RANBP17: variants seen among roughly 807,000 people sequenced by gnomAD.
RANBP17 encodes the protein RAN binding protein 17.
Under a neutral mutation model 141.2 loss-of-function variants are expected in RANBP17, and 158 were observed. The ratio of observed to expected loss-of-function variants is 1.12; its 90% CI spans 0.98 to 1.28. RANBP17 has a LOEUF of 1.28. Among genes scored for constraint, RANBP17 ranks in the 50% most tolerant of loss-of-function variants. The pLI, the probability that RANBP17 is intolerant of heterozygous loss-of-function variation, is 0.00. For synonymous variants in RANBP17, 430 were observed against 450.0 expected (o/e 0.96, Z 0.56); for missense variants, 1,438 against 1,290.7 (o/e 1.11, Z -1.75).
chr5:171,056,161 A>G (rs1047760230), intron 14 of RANBP17, among the ~76,000 whole-genome samples: 1 of 152,202 alleles, frequency 6.6e-6, no homozygotes, highest in Admixed American at 6.5e-5. Flanking sequence ...TCAGTTTTCT[A>G]TTAGTTCAGT....
At chr5:171,008,613 A>C (rs979911774) in intron 14 of RANBP17, among the ~76,000 whole-genome samples, 2 of 152,218 alleles carry the variant, frequency 1.3e-5, no homozygotes, top group African/African-American at 4.8e-5. Context: ...TGAATCTCAC[A>C]AAGTACATTC....
intron 20 of RANBP17, among the ~76,000 whole-genome samples, chr5:171,211,865 C>G (rs1299043594): frequency 6.6e-6 from 1 of 152,112 alleles, no homozygotes; most frequent in Non-Finnish European, 1.5e-5. Context: ...GAACTGTTTT[C>G]TAAAGCTCCC....
chr5:171,243,714 A>AGTGGGT (rs1765029128), intron 24 of RANBP17, among the ~76,000 whole-genome samples: 1 of 152,190 alleles, frequency 6.6e-6, no homozygotes, highest in African/African-American at 2.4e-5. Context: ...TAGCCATGAT[A>AGTGGGT]GTGGGTGTGA....
chr5:171,074,426 T>G (rs1229881310), intron 14 of RANBP17, among the ~76,000 whole-genome samples: 1 of 152,158 alleles, frequency 6.6e-6, no homozygotes, highest in African/African-American at 2.4e-5. Context: ...AAAAAGATAT[T>G]AGTGGGAAAA....
intron 14 of RANBP17, among the ~76,000 whole-genome samples, chr5:171,121,537 A>G (rs2127773762): frequency 6.6e-6 from 1 of 152,324 alleles, no homozygotes; most frequent in Non-Finnish European, 1.5e-5. Context: ...GCCCAGTAGC[A>G]TGTTGGCTGT....
chr5:170,919,595 C>G lies in RANBP17; in HGVS notation c.1256C>G (p.Ser419Cys). 6.3e-7 allele frequency: 1 copy of G among 1,597,194 alleles called. No individual in the cohort carries two copies. The highest frequency in any genetic ancestry group is 8.5e-7 in the Non-Finnish European group (1 of 1,175,000). The part of the protein sequence containing the change: ...TKAFITSRLD[S>C]VAIVVRDHLD... ...GCCTTTATCACTTCTCGGTTGGACT[C>G]TGTTGCCATAGTTGTGAGGTATTCA... is the stretch of plus-strand genomic sequence containing the variant. Residue 419 changes from serine (S) to cysteine (C), a missense_variant, in exon 11 of 28, where the codon TCT (serine) becomes TGT (cysteine). Transcript: ENST00000523189.
chr5:170,887,040 G>A, intron 3 of RANBP17, among the ~76,000 whole-genome samples: 1 of 152,074 alleles, frequency 6.6e-6, no homozygotes, highest in East Asian at 1.9e-4. Context: ...CCATGCATAA[G>A]TGGTTCTCTA....
chr5:171,092,082 G>C (rs1786333750), intron 14 of RANBP17, among the ~76,000 whole-genome samples: 1 of 152,174 alleles, frequency 6.6e-6, no homozygotes, highest in Admixed American at 6.5e-5. Flanking sequence ...TTATTTTGAT[G>C]AAGTGATCTT....
intron 14 of RANBP17, among the ~76,000 whole-genome samples, chr5:170,986,656 CA>C (rs1235709581): frequency 6.6e-6 from 1 of 151,460 alleles, no homozygotes; most frequent in Non-Finnish European, 1.5e-5. Flanking sequence ...TCAAATTGTC[CA>C]AAATAAAAAC....
At chr5:171,270,858 G>T (rs565907481) in intron 25 of RANBP17, among the ~76,000 whole-genome samples, 2 of 151,882 alleles carry the variant, frequency 1.3e-5, no homozygotes, top group Non-Finnish European at 2.9e-5. Flanking sequence ...GAACTATTAC[G>T]CAATTAATTT....
chr5:171,048,472 CCTTTT>C (rs150635458), intron 14 of RANBP17, among the ~76,000 whole-genome samples: 3,573 of 150,354 alleles, frequency 0.024, 122 homozygotes, highest in African/African-American at 0.083. Flanking sequence ...GTAGATCTAC[CCTTTT>C]CTTTTTTTTT....
intron 18 of RANBP17, among the ~76,000 whole-genome samples, chr5:171,193,505 C>T (rs1053578096): frequency 1.3e-5 from 2 of 152,190 alleles, no homozygotes; most frequent in Non-Finnish European, 2.9e-5. Context: ...GTTATTATTG[C>T]TGTAACAAAT....
intron 14 of RANBP17, among the ~76,000 whole-genome samples, chr5:171,140,938 T>C (rs1757646460): frequency 6.6e-6 from 1 of 152,152 alleles, no homozygotes; most frequent in Non-Finnish European, 1.5e-5. Context: ...TTTAATCTAA[T>C]CAAGTTTTAT....
intron 14 of RANBP17, among the ~76,000 whole-genome samples, chr5:171,153,072 A>G (rs1288535823): frequency 6.6e-6 from 1 of 152,204 alleles, no homozygotes; most frequent in Admixed American, 6.5e-5. Context: ...GGCAGTGTCT[A>G]TACATATCTT....
intron 14 of RANBP17, 114 bp from the exon 15 acceptor site, chr5:171,170,016 C>G (rs1759986744): frequency 2.1e-6 from 1 of 469,376 alleles, no homozygotes; most frequent in Admixed American, 4.0e-5. Flanking sequence ...CACCCACTCC[C>G]TACTTCAGTG....
Position 170,990,398 on chromosome 5 carries a change from A to C in RANBP17, c.1710+22021A>C, listed in dbSNP as rs1303707864. ...TAAATATAAACTTTAGTAGTGTGGAATATAATAGTTTATTTTTATATTCCA... is the reference window on the plus strand; with the variant it reads ...TAAATATAAACTTTAGTAGTGTGGACTATAATAGTTTATTTTTATATTCCA... On this transcript the variant is annotated intron_variant, in intron 14 of 27. Transcript: ENST00000523189. 2.6e-5 allele frequency among the ~76,000 whole-genome samples: 4 copies of C among 152,022 alleles called. No homozygotes were observed. The East Asian group carries it at 5.8e-4, about 22-fold the overall frequency.
chr5:170,995,164 A>AT (rs1404790146), intron 14 of RANBP17, among the ~76,000 whole-genome samples: 1 of 152,050 alleles, frequency 6.6e-6, no homozygotes, highest in Non-Finnish European at 1.5e-5. Context: ...TTACGTGGTG[A>AT]TTTTATGTGT....
intron 5 of RANBP17, among the ~76,000 whole-genome samples, chr5:170,899,148 A>G (rs1355719801): frequency 6.6e-6 from 1 of 152,176 alleles, no homozygotes; most frequent in Non-Finnish European, 1.5e-5. Flanking sequence ...CTTCCTATCC[A>G]TGAGCATGGA....
intron 14 of RANBP17, among the ~76,000 whole-genome samples, chr5:171,087,929 CTG>C (rs1785819466): frequency 6.6e-6 from 1 of 151,324 alleles, no homozygotes; most frequent in Non-Finnish European, 1.5e-5. Flanking sequence ...ATTTGCCAGT[CTG>C]TGTCTTTTAA....
Sources: allele counts gnomAD v4.1 joint callset (sites outside exome capture counted in the v4.1 genomes callset), GRCh38; gene constraint gnomAD v4.1.1; transcripts MANE v1.5; gene names NCBI Gene and HGNC (gene_info 2026-07-23, HGNC 2026-07-21).